The following NSD1 variants were observed in gnomAD, a reference collection of about 807,000 sequenced individuals.
The protein encoded by NSD1 is histone-lysine N-methyltransferase, H3 lysine-36 specific.
Under a neutral mutation model 242.7 loss-of-function variants are expected in NSD1, and 26 were observed. That is an observed-to-expected ratio of 0.11 (90% CI 0.08 to 0.15). The LOEUF is 0.15. NSD1 is among the 10% of genes least tolerant of loss of function. NSD1 has a pLI of 1.00. For synonymous variants in NSD1, 1,106 were observed against 1,178.1 expected (o/e 0.94, Z 1.25); for missense variants, 2,495 against 3,272.8 (o/e 0.76, Z 5.80).
intron 2 of NSD1, among the ~76,000 whole-genome samples, chr5:177,158,282 T>TTTCC (rs1562130379): frequency 9.8e-6 from 1 of 102,536 alleles, no homozygotes; most frequent in Non-Finnish European, 1.8e-5. Flanking sequence ...TCTTTCTTTC[T>TTTCC]TTCTTTCTTT....
intron 2 of NSD1, among the ~76,000 whole-genome samples, chr5:177,158,293 C>CTTTTTCT (rs59738936): frequency 1.3e-5 from 1 of 77,674 alleles, no homozygotes; most frequent in Non-Finnish European, 2.7e-5. Flanking sequence ...TTCTTTCTTT[C>CTTTTTCT]TTTCTTTCTT....
In NSD1 at chr5:177,230,258, A is replaced by T. The variant is rs1371899051; in HGVS notation, c.3797-5563A>T. Among the ~76,000 whole-genome samples, 6 of 151,996 alleles carry T rather than the reference A, an allele frequency of 3.9e-5. No individual in the cohort carries two copies. In the East Asian group the frequency reaches 1.2e-3, roughly 29 times the overall value. ...TGCTTCAGCCTCAGTATGTTACTTT[A>T]TTTTTTATTTAGGGAAAGAGTTGGT... On this transcript the variant is annotated intron_variant, in intron 5 of 22. Transcript: ENST00000439151.
chr5:177,166,802 C>T lies in NSD1; in HGVS notation c.928-25082C>T, dbSNP rs937528487. Among the ~76,000 whole-genome samples, 4 of 147,502 alleles carry T rather than the reference C, an allele frequency of 2.7e-5. No homozygotes were observed. The East Asian group carries it at 6.0e-4, about 22-fold the overall frequency. ...CGTTCTGTCGCCCAGGCTGTAGTGG[C>T]GCGATCTCGGCTCACTGACATGGCT... On this transcript the variant is annotated intron_variant, in intron 2 of 22. Coordinates refer to ENST00000439151, the MANE Select transcript of NSD1 (RefSeq NM_022455.5).
intron 20 of NSD1, among the ~76,000 whole-genome samples, chr5:177,286,016 C>T (rs922634801): frequency 1.3e-5 from 2 of 152,138 alleles, no homozygotes; most frequent in African/African-American, 4.8e-5. Flanking sequence ...CTGCCTCAGC[C>T]TCCTAAGCAG....
chr5:177,265,352 AT>A, intron 14 of NSD1: 21 of 597,372 alleles, frequency 3.5e-5, no homozygotes, highest in South Asian at 6.1e-5. Context: ...TATAGTAAGA[AT>A]TTTTTTTGTT....
intron 14 of NSD1, among the ~76,000 whole-genome samples, chr5:177,261,859 T>C (rs1581473072): frequency 6.6e-6 from 1 of 152,232 alleles, no homozygotes; most frequent in African/African-American, 2.4e-5. Context: ...TATCTACTTA[T>C]TGATTATGCA....
chr5:177,204,356 C>T (rs1762723544), intron 4 of NSD1, 64 bp downstream of exon 4: 1 of 1,454,382 alleles, frequency 6.9e-7, no homozygotes, highest in Non-Finnish European at 9.6e-7. Context: ...AAGAAAATGG[C>T]CTCTTATTTA....
intron 21 of NSD1, among the ~76,000 whole-genome samples, chr5:177,291,664 A>T (rs546474776): frequency 2.0e-5 from 3 of 152,312 alleles, no homozygotes; most frequent in Non-Finnish European, 2.9e-5. Context: ...AAAAATAAAT[A>T]AATTAATTAA....
In NSD1 at chr5:177,294,999, C is replaced by T. The variant is rs758398402; in HGVS notation, c.7631C>T (p.Ala2544Val). 7 of 1,614,106 alleles carry T rather than the reference C, an allele frequency of 4.3e-6. No homozygotes were observed. In the Admixed American group the frequency reaches 8.3e-5, roughly 19 times the overall value. ...TQARLLSQPPAKAFLYEPTTQ... is the reference protein window; with the variant it reads ...TQARLLSQPPVKAFLYEPTTQ... Reference sequence around the variant, plus strand: ...GCCAGACTTCTTTCTCAGCCTCCTGCCAAGGCCTTTTTATATGAGCCAACA... The same window carrying T: ...GCCAGACTTCTTTCTCAGCCTCCTGTCAAGGCCTTTTTATATGAGCCAACA... Residue 2544 changes from alanine (A) to valine (V), a missense_variant, in exon 23 of 23, where the codon GCC becomes GTC. Ala to Val is a moderately conservative substitution (Grantham distance 64). Coordinates refer to ENST00000439151, the MANE Select transcript of NSD1 (RefSeq NM_022455.5).
chr5:177,154,944 C>T (rs2149781565), intron 2 of NSD1, among the ~76,000 whole-genome samples: 1 of 152,066 alleles, frequency 6.6e-6, no homozygotes, highest in South Asian at 2.1e-4. Flanking sequence ...TATCCACCTA[C>T]CTCAGCCTCC....
Position 177,273,971 on chromosome 5 carries a change from C to T in NSD1, c.5622+187C>T, listed in dbSNP as rs112423577. ...TTGTAATCCCAGCACTTTGGGAGGC[C>T]GAGGCGGGCGGATCACCTGAAGTCA... On this transcript the variant is annotated intron_variant, in intron 17 of 22. Coordinates refer to ENST00000439151, the MANE Select transcript of NSD1 (RefSeq NM_022455.5). 0.079 allele frequency among the ~76,000 whole-genome samples: 11,976 copies of T among 152,038 alleles called. 989 individuals carry two copies. The highest frequency in any genetic ancestry group is 0.21 in the African/African-American group (8,803 of 41,430).
At chr5:177,273,855 T>C (rs1481939894) in intron 17 of NSD1, 71 bp downstream of exon 17, 3 of 1,017,750 alleles carry the variant, frequency 2.9e-6, no homozygotes, top group African/African-American at 1.6e-5. Context: ...ACTCTGTTCA[T>C]GACAAGAACG....
rs1023599621 is a variant in NSD1 at position 177,211,209 on chromosome 5, G to A, written c.2810G>A (p.Arg937Gln). 1.4e-5 allele frequency: 23 copies of A among 1,613,856 alleles called. No homozygotes were observed. Among genetic ancestry groups the A allele is most frequent in the African/African-American group, 4.0e-5 (3 of 74,916 alleles). ...LMTAQNLVSY[R>Q]SPGRGDCSTN... is the part of the protein sequence containing the mutation. The stretch of plus-strand genomic sequence containing the variant: ...ACTGCTCAAAACCTGGTCTCTTACC[G>A]GAGTCCTGGTCGTGGGGACTGTTCT... The change falls in exon 5 of 23, where the codon CGG becomes CAG. Residue 937 changes from arginine (R) to glutamine (Q), a missense_variant. This residue lies in a region of NSD1 where 121 missense variants were observed against 167.2 expected (regional missense o/e 0.72). Coordinates refer to ENST00000439151, the MANE Select transcript of NSD1 (RefSeq NM_022455.5).
intron 3 of NSD1, among the ~76,000 whole-genome samples, chr5:177,193,207 C>T (rs146968219): frequency 0.011 from 1,699 of 152,068 alleles, 32 homozygotes; most frequent in African/African-American, 0.039. Context: ...GTGGCGTGAT[C>T]TCGGCTCACT....
At position 177,197,114 on chromosome 5, in the gene NSD1, C is replaced by A. The variant is rs953277401; in HGVS notation, c.1063+5095C>A. On this transcript the variant is annotated intron_variant, in intron 3 of 22. Transcript: ENST00000439151. The stretch of plus-strand genomic sequence containing the variant: ...AAACCCTGTTTCTTCTAAAAACACA[C>A]AAAAAATTAGCTGGGCGTGGTGGTG... Among the ~76,000 whole-genome samples the A allele has an allele frequency of 6.0e-5, 9 of 151,144 alleles. No homozygotes were observed. The East Asian group carries it at 1.8e-3, about 30-fold the overall frequency.
At chr5:177,285,701 G>A (rs1417412658) in intron 20 of NSD1, among the ~76,000 whole-genome samples, 1 of 152,046 alleles carries the variant, frequency 6.6e-6, no homozygotes, top group Admixed American at 6.6e-5. Flanking sequence ...CTCAAACTGG[G>A]ATAGAACTGG....
chr5:177,139,202 G>T (rs1056833704), intron 2 of NSD1, among the ~76,000 whole-genome samples: 1 of 151,528 alleles, frequency 6.6e-6, no homozygotes, highest in Non-Finnish European at 1.5e-5. Context: ...AGTGAGCTGA[G>T]ATCGCCCCAT....
At chr5:177,145,535 T>C (rs556369456) in intron 2 of NSD1, among the ~76,000 whole-genome samples, 1 of 152,318 alleles carries the variant, frequency 6.6e-6, no homozygotes, top group South Asian at 2.1e-4. Flanking sequence ...TCTCCTACTC[T>C]GCATGAGCCA....
chr5:177,212,048 C>A lies in NSD1; in HGVS notation c.3649C>A (p.Pro1217Thr), dbSNP rs372004424. Residue 1217 changes from proline to threonine, a missense_variant, in exon 5 of 23, where the codon CCA becomes ACA. Around this residue, in one of 19 missense-constraint regions of NSD1, gnomAD observed 426 missense variants for 411.4 expected, o/e 1.04. Transcript: ENST00000439151. ...TCCTTCAGCAAGCATACTTGAGGAA[C>A]CACTGACAGAGCAAAATCATGCTGA... Reference protein sequence around the residue: ...RTPSASILEEPLTEQNHADCL... With the variant: ...RTPSASILEETLTEQNHADCL... 9.9e-6 allele frequency: 16 copies of A among 1,613,942 alleles called. No individual in the cohort carries two copies. The highest frequency in any genetic ancestry group is 1.4e-5 in the Non-Finnish European group (16 of 1,180,016).
Sources: gnomAD v4.1 joint callset for allele counts (sites outside exome capture counted in the v4.1 genomes callset) on GRCh38, gnomAD v4.1.1 for gene constraint, gnomAD v4.1.1 regional missense constraint, MANE v1.5 for transcripts, NCBI Gene and HGNC (gene_info 2026-07-23, HGNC 2026-07-21) for gene names.